The following PTPRD variants were observed in gnomAD, a reference collection of about 807,000 sequenced individuals.
PTPRD encodes the protein receptor-type tyrosine-protein phosphatase delta.
Under a neutral mutation model 214.5 loss-of-function variants are expected in PTPRD, and 34 were observed. The observed-to-expected ratio is 0.16, with a 90% CI of 0.12 to 0.21. The LOEUF (loss-of-function observed/expected upper bound fraction) is 0.21. PTPRD is among the 10% of genes least tolerant of loss of function. The pLI, the probability that PTPRD is intolerant of heterozygous loss-of-function variation, is 1.00. For missense variants in PTPRD, 2,545 were observed against 2,398.7 expected (o/e 1.06, Z -1.27); for synonymous variants, 1,128 against 845.7 (o/e 1.33, Z -5.79).
At chr9:9,718,015 C>T (rs2097863232) in intron 7 of PTPRD, among the ~76,000 whole-genome samples, 2 of 152,164 alleles carry the variant, frequency 1.3e-5, no homozygotes, top group South Asian at 2.1e-4. Flanking sequence ...CACAAAATTT[C>T]CTTACCTACT....
intron 7 of PTPRD, among the ~76,000 whole-genome samples, chr9:9,636,022 G>C (rs1207777873): frequency 6.6e-6 from 1 of 152,104 alleles, no homozygotes. Context: ...GCTTTCTCCA[G>C]CTTCATCTAA....
chr9:9,493,237 G>A (rs960978205), intron 8 of PTPRD, among the ~76,000 whole-genome samples: 2 of 151,936 alleles, frequency 1.3e-5, no homozygotes, highest in Non-Finnish European at 2.9e-5. Flanking sequence ...TCTAGAAATG[G>A]AAAAACAAAG....
At chr9:9,275,067 T>TATATATA (rs1944507658) in intron 9 of PTPRD, among the ~76,000 whole-genome samples, 1 of 64,864 alleles carries the variant, frequency 1.5e-5, no homozygotes, top group Non-Finnish European at 2.8e-5. Context: ...ATATATATAT[T>TATATATA]ATATATATAT....
intron 11 of PTPRD, among the ~76,000 whole-genome samples, chr9:8,985,477 T>C (rs755716735): frequency 2.0e-5 from 3 of 152,106 alleles, no homozygotes; most frequent in Non-Finnish European, 4.4e-5. Flanking sequence ...TGGAATTTAC[T>C]GTGGGTCCTA....
At chr9:9,485,622 C>T (rs1315590186) in intron 8 of PTPRD, among the ~76,000 whole-genome samples, 2 of 152,152 alleles carry the variant, frequency 1.3e-5, no homozygotes, top group Admixed American at 1.3e-4. Context: ...ATAAGATCTG[C>T]TCAATTTTAT....
At chr9:8,728,818 A>C (rs1565612805) in intron 12 of PTPRD, among the ~76,000 whole-genome samples, 1 of 152,004 alleles carries the variant, frequency 6.6e-6, no homozygotes, top group African/African-American at 2.4e-5. Context: ...CGTATTTATT[A>C]AAAACACAAA....
chr9:8,579,762 C>T (rs1007862654), intron 14 of PTPRD, among the ~76,000 whole-genome samples: 1 of 152,004 alleles, frequency 6.6e-6, no homozygotes, highest in Non-Finnish European at 1.5e-5. Context: ...TAAACAGAGA[C>T]CAGGAAATTA....
chr9:10,375,720 G>C (rs1298032813), intron 2 of PTPRD, among the ~76,000 whole-genome samples: 1 of 151,970 alleles, frequency 6.6e-6, no homozygotes, highest in Non-Finnish European at 1.5e-5. Flanking sequence ...AAGAGTACTT[G>C]AAGTTATGAT....
rs1176159031 is a variant in PTPRD at position 9,467,588 on chromosome 9, CAAA to C, written c.-236-70109_-236-70107del. 5.5e-3 allele frequency among the ~76,000 whole-genome samples: 307 copies of C among 55,960 alleles called. 9 individuals carry two copies. Among genetic ancestry groups the C allele is most frequent in the Non-Finnish European group, 7.7e-3 (239 of 31,164 alleles). The allele number at this position is 55,960 out of a possible 152,430, so 36.7% of individuals were successfully genotyped here. A position where few individuals can be genotyped will look rare whatever the true frequency, so the allele number is the denominator to read the frequency against. ...GGCGACAGAGCGGGACTCCATCTCCCAAAAAAAAAAAAAAAAAAAAAAGTTGAG... is the reference window on the plus strand; with the variant it reads ...GGCGACAGAGCGGGACTCCATCTCCCAAAAAAAAAAAAAAAAAAAGTTGAG... On this transcript the variant is annotated intron_variant, in intron 8 of 45. Transcript: ENST00000381196.
chr9:8,666,795 C>T (rs1264023607), intron 12 of PTPRD, among the ~76,000 whole-genome samples: 1 of 152,142 alleles, frequency 6.6e-6, no homozygotes, highest in Admixed American at 6.5e-5. Flanking sequence ...ACTGCCCCCT[C>T]GAGTGAATGC....
Position 10,095,752 on chromosome 9 carries a change from A to T in PTPRD, c.-544-61962T>A, listed in dbSNP as rs76563880. 8.7e-3 allele frequency among the ~76,000 whole-genome samples: 1,322 copies of T among 151,696 alleles called. 30 individuals are homozygous for T. The highest frequency in any genetic ancestry group is 0.03 in the African/African-American group (1,257 of 41,480). On this transcript the variant is annotated intron_variant, in intron 3 of 45. Transcript: ENST00000381196. ...TACATGAGTTATTATCAATGGCATT[A>T]ATTTATACAACCAAAATGCATCCTA... is the stretch of plus-strand genomic sequence containing the variant.
intron 2 of PTPRD, among the ~76,000 whole-genome samples, chr9:10,451,398 A>T (rs2098840727): frequency 6.6e-6 from 1 of 151,806 alleles, no homozygotes; most frequent in South Asian, 2.1e-4. Context: ...AGTCAATCCC[A>T]TGGCAATTGT....
chr9:10,454,329 C>T (rs1185782100), intron 2 of PTPRD, among the ~76,000 whole-genome samples: 1 of 151,478 alleles, frequency 6.6e-6, no homozygotes, highest in Non-Finnish European at 1.5e-5. Flanking sequence ...CTGCTGATGA[C>T]TTTGGAAAAT....
chr9:9,028,906 A>T (rs1433087658), intron 10 of PTPRD, among the ~76,000 whole-genome samples: 1 of 151,152 alleles, frequency 6.6e-6, no homozygotes, highest in Non-Finnish European at 1.5e-5. Context: ...GATAAAAAAA[A>T]GTAGAAGCAT....
At chr9:9,687,932 G>A (rs2097194665) in intron 7 of PTPRD, among the ~76,000 whole-genome samples, 2 of 151,954 alleles carry the variant, frequency 1.3e-5, no homozygotes, top group South Asian at 4.2e-4. Context: ...CCTGGTGGGA[G>A]GTGATTGGAT....
In PTPRD at chr9:10,248,533, A is replaced by AC. The variant is rs371626503; in HGVS notation, c.-545+92429_-545+92430insG. Among the ~76,000 whole-genome samples, 91 of 127,414 alleles carry AC rather than the reference A, an allele frequency of 7.1e-4. 3 individuals carry two copies. In the South Asian group the frequency reaches 0.02, roughly 28 times the overall value. The allele number at this position is 127,414 out of a possible 152,430, so 83.6% of individuals were successfully genotyped here. On this transcript the variant is annotated intron_variant, in intron 3 of 45. Transcript: ENST00000381196. ...TAGCAAAAAAAAAAAAAAATAAAAA[A>AC]AATAAAGCGAGAAACCAAAATGATA...
intron 9 of PTPRD, among the ~76,000 whole-genome samples, chr9:9,246,502 C>G (rs2099973118): frequency 6.6e-6 from 1 of 152,070 alleles, no homozygotes; most frequent in African/African-American, 2.4e-5. Flanking sequence ...TGCCTCCACT[C>G]CCACAGAAAA....
At chr9:9,571,968 G>A (rs1217788351) in intron 8 of PTPRD, among the ~76,000 whole-genome samples, 3 of 151,054 alleles carry the variant, frequency 2.0e-5, no homozygotes, top group Admixed American at 6.6e-5. Flanking sequence ...TTATGGTTTA[G>A]AGAAACCATA....
chr9:9,676,330 T>C (rs201844680), intron 7 of PTPRD, among the ~76,000 whole-genome samples: 5 of 134,152 alleles, frequency 3.7e-5, no homozygotes, highest in Admixed American at 3.5e-4. Flanking sequence ...CCTGTGTCCA[T>C]GTGTTCTCAT....
Sources: allele counts gnomAD v4.1 joint callset (sites outside exome capture counted in the v4.1 genomes callset), GRCh38; gene constraint gnomAD v4.1.1; transcripts MANE v1.5; gene names NCBI Gene and HGNC (gene_info 2026-07-23, HGNC 2026-07-21).